The following GALNT17 variants were observed in gnomAD, a reference collection of about 807,000 sequenced individuals.
GALNT17 encodes the protein UDP-GalNAc:polypeptide N-acetylgalactosaminyltransferase-like 3.
GALNT17 carries 29 observed loss-of-function variants against 63.7 expected under a neutral mutation model. The observed-to-expected ratio is 0.46, with a 90% CI of 0.34 to 0.62. The LOEUF is 0.62. Among genes scored for constraint, GALNT17 ranks in the 20% least tolerant of loss-of-function variants. The pLI, the probability that GALNT17 is intolerant of heterozygous loss-of-function variation, is 0.01. For missense variants in GALNT17, 603 were observed against 799.6 expected (o/e 0.75, Z 2.97); for synonymous variants, 305 against 318.3 (o/e 0.96, Z 0.45).
At chr7:71,502,059 T>G (rs1283329242) in intron 5 of GALNT17, among the ~76,000 whole-genome samples, 1 of 152,130 alleles carries the variant, frequency 6.6e-6, no homozygotes, top group African/African-American at 2.4e-5. Context: ...TATTCAACCT[T>G]TCCCTCTCAA....
intron 6 of GALNT17, among the ~76,000 whole-genome samples, chr7:71,613,385 G>A (rs1056474130): frequency 2.6e-5 from 4 of 152,286 alleles, no homozygotes; most frequent in Non-Finnish European, 2.9e-5. Context: ...GGAATTGACC[G>A]TTTGTCAGAC....
At chr7:71,356,186 C>G (rs1453194382) in intron 2 of GALNT17, among the ~76,000 whole-genome samples, 1 of 151,930 alleles carries the variant, frequency 6.6e-6, no homozygotes, top group Non-Finnish European at 1.5e-5. Flanking sequence ...CCATGTTGGC[C>G]AGGCTGGTCT....
At chr7:71,644,530 A>AC (rs1790647576) in intron 6 of GALNT17, among the ~76,000 whole-genome samples, 1 of 133,304 alleles carries the variant, frequency 7.5e-6, no homozygotes, top group African/African-American at 3.5e-5. Context: ...TCCATCTCAA[A>AC]AAAAAAAAAA....
chr7:71,341,833 A>C (rs1310969949), intron 2 of GALNT17, among the ~76,000 whole-genome samples: 1 of 152,172 alleles, frequency 6.6e-6, no homozygotes, highest in African/African-American at 2.4e-5. Flanking sequence ...GAAGATGATG[A>C]AGAGATGCTC....
intron 1 of GALNT17, among the ~76,000 whole-genome samples, chr7:71,266,953 A>C (rs1285639973): frequency 6.6e-6 from 1 of 152,194 alleles, no homozygotes; most frequent in East Asian, 1.9e-4. Flanking sequence ...AAATGCTGTC[A>C]TTTTTTAATG....
At chr7:71,443,184 G>T (rs1175597061) in intron 5 of GALNT17, among the ~76,000 whole-genome samples, 1 of 152,124 alleles carries the variant, frequency 6.6e-6, no homozygotes, top group Non-Finnish European at 1.5e-5. Flanking sequence ...TCAAATTCAG[G>T]TTATTCTAGT....
chr7:71,519,493 T>A (rs951389949), intron 5 of GALNT17, among the ~76,000 whole-genome samples: 12 of 152,180 alleles, frequency 7.9e-5, no homozygotes, highest in Admixed American at 7.2e-4. Flanking sequence ...AGATGGAGTC[T>A]CATTCTGTCA....
intron 5 of GALNT17, among the ~76,000 whole-genome samples, chr7:71,456,773 G>A (rs537686841): frequency 2.6e-5 from 4 of 152,276 alleles, no homozygotes; most frequent in African/African-American, 7.2e-5. Context: ...TTTATTTTGC[G>A]AAGGTTCAGG....
chr7:71,335,733 A>G lies in GALNT17; in HGVS notation c.422A>G (p.Lys141Arg). The change falls in exon 2 of 11, where the codon AAG (lysine) becomes AGG (arginine). Residue 141 changes from lysine to arginine, a missense_variant and splice_region_variant. By Grantham distance (26) the Lys-to-Arg change is conservative. Coordinates refer to ENST00000333538, the MANE Select transcript of GALNT17 (RefSeq NM_022479.3). Reference sequence around the variant, plus strand: ...TCCATTCCGGATTATCGTCCCACCAAGTAAGTTCTGGTTCAGTCATTTGCG... The same window carrying G: ...TCCATTCCGGATTATCGTCCCACCAGGTAAGTTCTGGTTCAGTCATTTGCG... ...DRSIPDYRPT[K>R]CKELKYSKDL... The G allele has an allele frequency of 6.3e-7, 1 of 1,599,454 alleles. No individual in the cohort carries two copies. The highest frequency in any genetic ancestry group is 1.3e-5 in the African/African-American group (1 of 74,472).
chr7:71,669,929 G>T, intron 7 of GALNT17, 43 bp from the exon 8 acceptor site: 1 of 1,610,440 alleles, frequency 6.2e-7, no homozygotes, highest in Non-Finnish European at 8.5e-7. Context: ...TCTGGCCAGA[G>T]CTCCACAGTC....
chr7:71,224,309 T>G (rs12540672), intron 1 of GALNT17, among the ~76,000 whole-genome samples: 52,433 of 152,114 alleles, frequency 0.34, 9,699 homozygotes, highest in South Asian at 0.53. Context: ...CTCCCAAAGT[T>G]TCGGGATTAC....
intron 9 of GALNT17, among the ~76,000 whole-genome samples, chr7:71,679,181 C>T (rs1294254324): frequency 2.0e-5 from 3 of 151,780 alleles, no homozygotes; most frequent in Non-Finnish European, 4.4e-5. Context: ...ATGGCTGAGG[C>T]GGGAGGATTG....
At chr7:71,185,746 A>C (rs1460798462) in intron 1 of GALNT17, among the ~76,000 whole-genome samples, 1 of 151,976 alleles carries the variant, frequency 6.6e-6, no homozygotes, top group Non-Finnish European at 1.5e-5. Context: ...TGACCTCGTG[A>C]TCCGCCCACC....
intron 1 of GALNT17, among the ~76,000 whole-genome samples, chr7:71,256,548 G>T (rs1448171214): frequency 6.6e-6 from 1 of 152,038 alleles, no homozygotes. Context: ...CTCCAGCCTG[G>T]GCGACAGAGT....
chr7:71,484,151 A>T (rs1027781283), intron 5 of GALNT17, among the ~76,000 whole-genome samples: 9 of 152,230 alleles, frequency 5.9e-5, no homozygotes, highest in African/African-American at 1.9e-4. Flanking sequence ...AGTATAGTGT[A>T]GTAAATACAG....
rs371056598 is a variant in GALNT17, at chr7:71,627,861, ATAACAGT to A, written c.1081-37548_1081-37542del. The stretch of plus-strand genomic sequence containing the variant: ...GGCCAGAGCCAGCTCTCCTAAGACC[ATAACAGT>A]TCTTTTCGAACTATTTATAGCCTGT... On this transcript the variant is annotated intron_variant, in intron 6 of 10. Transcript: ENST00000333538. Among the ~76,000 whole-genome samples, 459 of 152,290 alleles carry A rather than the reference ATAACAGT, an allele frequency of 3.0e-3. 4 individuals carry two copies. The highest frequency in any genetic ancestry group is 0.011 in the African/African-American group (448 of 41,560).
chr7:71,143,546 G>A (rs904673721), intron 1 of GALNT17, among the ~76,000 whole-genome samples: 12 of 152,172 alleles, frequency 7.9e-5, no homozygotes, highest in Non-Finnish European at 1.8e-4. Context: ...GTGAGGAGGT[G>A]TGGGAGCTCC....
intron 6 of GALNT17, among the ~76,000 whole-genome samples, chr7:71,600,096 C>G (rs1355223526): frequency 6.6e-6 from 1 of 151,946 alleles, no homozygotes; most frequent in Non-Finnish European, 1.5e-5. Flanking sequence ...ATACGCCCCC[C>G]ACCTCAAGGA....
At chr7:71,280,196 A>G (rs1790755350) in intron 1 of GALNT17, among the ~76,000 whole-genome samples, 1 of 152,166 alleles carries the variant, frequency 6.6e-6, no homozygotes, top group African/African-American at 2.4e-5. Context: ...AGAGTCCAGG[A>G]TAATGAGATG....
Sources: gnomAD v4.1 joint callset for allele counts (sites outside exome capture counted in the v4.1 genomes callset) on GRCh38, gnomAD v4.1.1 for gene constraint, MANE v1.5 for transcripts, NCBI Gene and HGNC (gene_info 2026-07-23, HGNC 2026-07-21) for gene names.